Variants in XXYLT1 observed in about 807,000 individuals in gnomAD.
XXYLT1 encodes the protein UDP-xylose:alpha-xyloside alpha-1,3-xylosyltransferase.
XXYLT1 carries 20 observed loss-of-function variants against 28.9 expected under a neutral mutation model. That is an observed-to-expected ratio of 0.69 (90% CI 0.49 to 1.00). The LOEUF (loss-of-function observed/expected upper bound fraction) is 1.00, where lower values mean the gene tolerates loss of function less well. Ranked by LOEUF, XXYLT1 falls within the 50% of genes least tolerant of loss-of-function variation. The pLI is 0.00. For synonymous variants in XXYLT1, 257 were observed against 253.8 expected (o/e 1.01, Z -0.12); for missense variants, 542 against 560.1 (o/e 0.97, Z 0.33).
At position 195,226,816 on chromosome 3, in the gene XXYLT1, A is replaced by G. The variant is rs770511259; in HGVS notation, c.545T>C (p.Phe182Ser). Reference protein sequence around the residue: ...HDVAVLTDKLFPIVEAMQKHF... With the variant: ...HDVAVLTDKLSPIVEAMQKHF... The stretch of plus-strand genomic sequence containing the variant: ...CTTCTGCATGGCCTCCACGATGGGG[A>G]AGAGCTTATCCGTCAGCACAGCAAC... The change falls in exon 2 of 4, where the codon TTC becomes TCC. Residue 182 changes from phenylalanine (F) to serine (S), a missense_variant. Physicochemically the swap from Phe to Ser is radical, Grantham distance 155. Transcript: ENST00000310380. 1 of 1,613,920 alleles carries G rather than the reference A, an allele frequency of 6.2e-7. No homozygotes were observed. Among genetic ancestry groups the G allele is most frequent in the Admixed American group, 1.7e-5 (1 of 59,988 alleles).
rs550966117 is a variant in XXYLT1 at position 195,124,534 on chromosome 3, T to C, written c.785+31915A>G. On this transcript the variant is annotated intron_variant, in intron 3 of 3. Transcript: ENST00000310380. This position sits in a 1 kb window ranked among gnomAD's most constrained non-coding sequence, Gnocchi z 4.1. ...CTCCCCCTCTAGACTGTGAATTCCG[T>C]GGGGGCAAGGACCACGTTTGTTTTG... Among the ~76,000 whole-genome samples, 50 of 152,286 alleles carry C rather than the reference T, an allele frequency of 3.3e-4. No homozygotes were observed. The highest frequency in any genetic ancestry group is 6.3e-4 in the Non-Finnish European group (43 of 68,018).
At chr3:195,146,667 T>C (rs1029162588) in intron 3 of XXYLT1, 1 of 152,268 alleles carries the variant, frequency 6.6e-6, no homozygotes, top group African/African-American at 2.4e-5. Flanking sequence ...GGGAATGTGA[T>C]ACCCACTTCT....
chr3:195,205,911 T>C (rs1723051073), intron 2 of XXYLT1, among the ~76,000 whole-genome samples: 1 of 152,164 alleles, frequency 6.6e-6, no homozygotes, highest in South Asian at 2.1e-4. Flanking sequence ...TTGTTGTATT[T>C]GCTATAGTTT....
intron 3 of XXYLT1, among the ~76,000 whole-genome samples, chr3:195,130,758 A>C (rs371946524): frequency 1.2e-4 from 19 of 152,274 alleles, no homozygotes; most frequent in African/African-American, 3.8e-4. Flanking sequence ...AATCTGAACA[A>C]ATGTACCCAT....
intron 3 of XXYLT1, among the ~76,000 whole-genome samples, chr3:195,137,540 CAGA>C: frequency 6.6e-6 from 1 of 152,212 alleles, no homozygotes. Context: ...TCATCCAAGG[CAGA>C]AGGTGATTCC....
In XXYLT1 at chr3:195,069,727, G is replaced by A. The variant is rs781728680; in HGVS notation, c.1170C>T (p.Ile390=). ...KIYHGNCNTP[I]PED is the part of the protein sequence containing the mutation. ...GCACGGGGAGCGCCTAGTCCTCCGG[G>A]ATGGGAGTGTTGCAGTTCCCGTGGT... Residue 390 remains isoleucine (I), a synonymous_variant, in exon 4 of 4, where the codon ATC becomes ATT. Coordinates refer to ENST00000310380, the MANE Select transcript of XXYLT1 (RefSeq NM_152531.5). 3.7e-6 allele frequency: 6 copies of A among 1,612,848 alleles called. No individual in the cohort carries two copies. The Admixed American group carries it at 1.0e-4, about 27-fold the overall frequency.
intron 3 of XXYLT1, among the ~76,000 whole-genome samples, chr3:195,143,888 A>AT (rs1444756752): frequency 1.7e-5 from 2 of 116,772 alleles, no homozygotes; most frequent in Admixed American, 8.7e-5. Context: ...ATATATATAT[A>AT]TTTATTTTTT....
intron 3 of XXYLT1, among the ~76,000 whole-genome samples, chr3:195,144,524 G>T (rs879707154): frequency 1.3e-5 from 2 of 151,914 alleles, no homozygotes; most frequent in East Asian, 1.9e-4. Flanking sequence ...TTAAAGGCAC[G>T]TGCCACCACA....
At chr3:195,104,421 T>C (rs1407651049) in intron 3 of XXYLT1, among the ~76,000 whole-genome samples, 1 of 151,550 alleles carries the variant, frequency 6.6e-6, no homozygotes, top group Non-Finnish European at 1.5e-5. Flanking sequence ...CAGGCAGCAG[T>C]GCCCAGGTGA....
intron 1 of XXYLT1, among the ~76,000 whole-genome samples, chr3:195,245,847 C>T (rs1725000739): frequency 2.0e-5 from 3 of 152,208 alleles, no homozygotes; most frequent in Admixed American, 6.5e-5. Flanking sequence ...CCTGCTCTCA[C>T]CCTGTGATGT....
In XXYLT1 at chr3:195,226,225, C is replaced by T. The variant is rs117014265; in HGVS notation, c.652+484G>A. On this transcript the variant is annotated intron_variant, in intron 2 of 3. Transcript: ENST00000310380. ...CCTGGAGACAGACGCCCAGAAAATCCTTCTAATTGCGCATCAGAGTTTCTT... is the reference window on the plus strand; with the variant it reads ...CCTGGAGACAGACGCCCAGAAAATCTTTCTAATTGCGCATCAGAGTTTCTT... Among the ~76,000 whole-genome samples the T allele has an allele frequency of 4.1e-4, 62 of 152,316 alleles. No individual in the cohort carries two copies. The East Asian group carries it at 0.012, about 29-fold the overall frequency.
intron 3 of XXYLT1, among the ~76,000 whole-genome samples, chr3:195,109,807 TGA>T (rs1284456147): frequency 1.9e-5 from 1 of 53,948 alleles, no homozygotes; most frequent in East Asian, 3.0e-4. Context: ...GTGTGGTGTA[TGA>T]GTGTGTGTGT....
intron 3 of XXYLT1, among the ~76,000 whole-genome samples, chr3:195,090,089 C>G (rs200580210): frequency 0.13 from 19,821 of 150,546 alleles, 1,395 homozygotes; most frequent in East Asian, 0.24. Flanking sequence ...GAGACTTTAA[C>G]ACCCCACTGT....
intron 2 of XXYLT1, among the ~76,000 whole-genome samples, chr3:195,177,936 T>TAAAAAA (rs56022005): frequency 8.6e-6 from 1 of 115,616 alleles, no homozygotes; most frequent in African/African-American, 3.6e-5. Context: ...CTCTGTCTCT[T>TAAAAAA]AAAAAAAAAA....
chr3:195,130,266 G>C (rs1718837890), intron 3 of XXYLT1, among the ~76,000 whole-genome samples: 1 of 152,212 alleles, frequency 6.6e-6, no homozygotes, highest in Non-Finnish European at 1.5e-5. Flanking sequence ...AGCACCTTTA[G>C]AGATGACTCT....
At chr3:195,164,881 AC>A (rs1245430502) in intron 2 of XXYLT1, among the ~76,000 whole-genome samples, 1 of 151,780 alleles carries the variant, frequency 6.6e-6, no homozygotes, top group Non-Finnish European at 1.5e-5. Context: ...GGTAAACAGA[AC>A]CTTTGCAATG....
intron 1 of XXYLT1, among the ~76,000 whole-genome samples, chr3:195,254,306 C>T (rs1010792654): frequency 2.6e-5 from 4 of 152,258 alleles, no homozygotes; most frequent in Admixed American, 6.5e-5. Flanking sequence ...CCCTCCCAAC[C>T]ACAGGACGCA....
At chr3:195,234,300 G>A (rs1220946964) in intron 1 of XXYLT1, among the ~76,000 whole-genome samples, 1 of 128,452 alleles carries the variant, frequency 7.8e-6, no homozygotes, top group African/African-American at 2.9e-5. Flanking sequence ...TCTCCTTCAT[G>A]TTTGAAGGAT....
intron 3 of XXYLT1, among the ~76,000 whole-genome samples, chr3:195,103,222 G>A (rs1483507968): frequency 3.9e-5 from 6 of 152,214 alleles, no homozygotes; most frequent in Non-Finnish European, 7.3e-5. Context: ...GGAATTCCAG[G>A]CCATGAGGCT....
Sources: gnomAD v4.1 joint callset for allele counts (sites outside exome capture counted in the v4.1 genomes callset) on GRCh38, gnomAD v4.1.1 for gene constraint, Gnocchi (gnomAD v3.1) non-coding constraint, MANE v1.5 for transcripts, NCBI Gene and HGNC (gene_info 2026-07-23, HGNC 2026-07-21) for gene names.